NCAM2: variants seen among roughly 807,000 people sequenced by gnomAD.
The protein encoded by NCAM2 is neural cell adhesion molecule 2.
NCAM2 carries 30 observed loss-of-function variants against 98.1 expected under a neutral mutation model. The ratio of observed to expected loss-of-function variants is 0.31; its 90% CI spans 0.23 to 0.41. The LOEUF is 0.41. Among genes scored for constraint, NCAM2 ranks in the 10% least tolerant of loss-of-function variants. The pLI, the probability that NCAM2 is intolerant of heterozygous loss-of-function variation, is 1.00. For missense variants in NCAM2, 867 were observed against 1,005.8 expected, an observed-to-expected ratio of 0.86 and a Z score of 1.87; for synonymous variants, 368 against 342.4, an observed-to-expected ratio of 1.07 and a Z score of -0.83.
intron 1 of NCAM2, among the ~76,000 whole-genome samples, chr21:21,251,015 A>G (rs1347072098): frequency 6.6e-6 from 1 of 152,182 alleles, no homozygotes; most frequent in African/African-American, 2.4e-5. Context: ...TTAACCTGGC[A>G]TGATTATTTT....
intron 1 of NCAM2, among the ~76,000 whole-genome samples, chr21:21,262,658 C>CA (rs33912324): frequency 0.26 from 20,433 of 78,762 alleles, 3,174 homozygotes; most frequent in Middle Eastern, 0.36. Flanking sequence ...AACAATCAGT[C>CA]AAAAAAAAAA....
intron 1 of NCAM2, among the ~76,000 whole-genome samples, chr21:21,061,336 G>C (rs1174726166): frequency 2.0e-5 from 3 of 152,156 alleles, no homozygotes; most frequent in Non-Finnish European, 4.4e-5. Flanking sequence ...AATCACAGTT[G>C]TAGATGCTGA....
intron 15 of NCAM2, among the ~76,000 whole-genome samples, chr21:21,505,524 C>T (rs1001482409): frequency 5.9e-5 from 9 of 151,860 alleles, no homozygotes; most frequent in Non-Finnish European, 8.8e-5. Flanking sequence ...TATAATTATA[C>T]TAGTTTAATG....
chr21:21,373,849 A>C lies in NCAM2; in HGVS notation c.1045-14A>C. On this transcript the variant is annotated splice_polypyrimidine_tract_variant and intron_variant, in intron 8 of 17. Coordinates refer to ENST00000400546, the MANE Select transcript of NCAM2 (RefSeq NM_004540.5). ...AGCATAAAATCTTTCTTTTTCCTGA[A>C]TCGATGTAAACAGAGCCTGGACGGC... is the stretch of plus-strand genomic sequence containing the variant. The C allele has an allele frequency of 6.3e-7, 1 of 1,574,814 alleles. No homozygotes were observed. The highest frequency in any genetic ancestry group is 8.6e-7 in the Non-Finnish European group (1 of 1,162,848).
intron 1 of NCAM2, among the ~76,000 whole-genome samples, chr21:21,130,755 C>G (rs1162020240): frequency 6.6e-6 from 1 of 151,770 alleles, no homozygotes; most frequent in Admixed American, 6.6e-5. Flanking sequence ...GTGTTTTTAA[C>G]AGTGGTATTA....
At chr21:21,201,107 T>A (rs1323520038) in intron 1 of NCAM2, among the ~76,000 whole-genome samples, 1 of 152,148 alleles carries the variant, frequency 6.6e-6, no homozygotes, top group African/African-American at 2.4e-5. Flanking sequence ...TGTGTGCGGA[T>A]TACTAAGCAC....
intron 11 of NCAM2, among the ~76,000 whole-genome samples, chr21:21,427,519 A>G (rs545706130): frequency 3.3e-5 from 5 of 152,338 alleles, no homozygotes; most frequent in Admixed American, 2.6e-4. Context: ...TCTCACTTAT[A>G]TGTGGAATTC....
chr21:21,128,699 G>T (rs1673196055), intron 1 of NCAM2, among the ~76,000 whole-genome samples: 1 of 152,062 alleles, frequency 6.6e-6, no homozygotes, highest in Non-Finnish European at 1.5e-5. Flanking sequence ...AAATAATTGG[G>T]CTTTGTAAGG....
intron 1 of NCAM2, among the ~76,000 whole-genome samples, chr21:21,221,352 GA>G (rs2070143658): frequency 0.016 from 2 of 124 alleles, no homozygotes; most frequent in South Asian, 0.33. Flanking sequence ...ATACAGAAGT[GA>G]TTCTCACCCA....
chr21:21,286,451 T>A (rs200774134), intron 4 of NCAM2, 39 bp downstream of exon 4: 18 of 1,570,590 alleles, frequency 1.1e-5, no homozygotes, highest in Non-Finnish European at 1.6e-5. Context: ...TATGTTCTAA[T>A]ACTATTGCAG....
intron 16 of NCAM2, among the ~76,000 whole-genome samples, chr21:21,510,449 C>T (rs1370505202): frequency 2.0e-5 from 3 of 152,126 alleles, no homozygotes; most frequent in Non-Finnish European, 4.4e-5. Flanking sequence ...CAGTGTCTAC[C>T]CTTCTGTATC....
intron 1 of NCAM2, among the ~76,000 whole-genome samples, chr21:21,041,209 GA>G (rs2064897574): frequency 6.6e-6 from 1 of 152,040 alleles, no homozygotes; most frequent in Admixed American, 6.6e-5. Flanking sequence ...AACCTATGAT[GA>G]ATACAAAATA....
intron 14 of NCAM2, 79 bp downstream of exon 14, chr21:21,468,862 A>C (rs910123680): frequency 1.0e-4 from 129 of 1,277,938 alleles, no homozygotes; most frequent in Non-Finnish European, 1.4e-4. Context: ...TAAACATATC[A>C]GGAGAGAATG....
At chr21:21,231,769 T>C (rs17003829) in intron 1 of NCAM2, among the ~76,000 whole-genome samples, 2,152 of 151,548 alleles carry the variant, frequency 0.014, 60 homozygotes, top group African/African-American at 0.049. Flanking sequence ...GTTACCTTAA[T>C]GTGTCATTTT....
At chr21:21,317,698 A>G (rs1219436376) in intron 5 of NCAM2, among the ~76,000 whole-genome samples, 1 of 151,772 alleles carries the variant, frequency 6.6e-6, no homozygotes, top group East Asian at 1.9e-4. Context: ...CTATCCTGCT[A>G]ATTTTTTCTA....
chr21:21,076,116 C>CAAAAA (rs565676221), intron 1 of NCAM2, among the ~76,000 whole-genome samples: 2 of 121,442 alleles, frequency 1.6e-5, no homozygotes, highest in East Asian at 5.1e-4. Context: ...GACCCCATCT[C>CAAAAA]AAAAAAAAAA....
At chr21:21,292,302 A>G (rs2073327264) in intron 5 of NCAM2, 61 bp downstream of exon 5, 4 of 1,510,812 alleles carry the variant, frequency 2.6e-6, no homozygotes, top group Non-Finnish European at 2.7e-6. Context: ...TTTTTATTAA[A>G]TGGCAACCAT....
chr21:21,481,962 G>A (rs1368560145), intron 15 of NCAM2, among the ~76,000 whole-genome samples: 1 of 151,944 alleles, frequency 6.6e-6, no homozygotes, highest in Non-Finnish European at 1.5e-5. Context: ...ACCGGGCATG[G>A]TGACACCCGC....
chr21:21,377,033 T>G (rs1022127169), intron 9 of NCAM2, among the ~76,000 whole-genome samples: 1 of 151,790 alleles, frequency 6.6e-6, no homozygotes, highest in African/African-American at 2.4e-5. Flanking sequence ...GCATTGATTA[T>G]TTTTCTGCAA....
Sources: allele counts gnomAD v4.1 joint callset (sites outside exome capture counted in the v4.1 genomes callset), GRCh38; gene constraint gnomAD v4.1.1; transcripts MANE v1.5; gene names NCBI Gene and HGNC (gene_info 2026-07-23, HGNC 2026-07-21).